SLF1: variants seen among roughly 807,000 people sequenced by gnomAD.
The protein encoded by SLF1 is SMC5/6 complex localization factor 1.
SLF1 carries 105 observed loss-of-function variants against 123.0 expected under a neutral mutation model. The observed-to-expected ratio is 0.85, with a 90% CI of 0.73 to 1.00. The LOEUF is 1.00. Among genes scored for constraint, SLF1 ranks in the 50% least tolerant of loss-of-function variants. SLF1 has a pLI of 0.00. For missense variants in SLF1, 1,239 were observed against 1,223.0 expected, an observed-to-expected ratio of 1.01 and a Z score of -0.20; for synonymous variants, 434 against 406.6, an observed-to-expected ratio of 1.07 and a Z score of -0.81.
chr5:94,630,227 T>C (rs1745054061), intron 3 of SLF1, among the ~76,000 whole-genome samples: 1 of 152,218 alleles, frequency 6.6e-6, no homozygotes, highest in Non-Finnish European at 1.5e-5. Flanking sequence ...AGAATTATAT[T>C]TAAATGAAAC....
At chr5:94,678,785 A>AT (rs1186879963) in intron 14 of SLF1, 23 bp from the exon 15 acceptor site, 1 of 1,584,980 alleles carries the variant, frequency 6.3e-7, no homozygotes, top group Non-Finnish European at 8.6e-7. Context: ...TATTTTAGTA[A>AT]TTTTTTTGTA....
intron 14 of SLF1, among the ~76,000 whole-genome samples, chr5:94,674,807 T>C (rs963950278): frequency 1.3e-5 from 2 of 152,152 alleles, no homozygotes; most frequent in East Asian, 3.9e-4. Flanking sequence ...TGTGTCAAGG[T>C]TATGGAGGAG....
chr5:94,692,040 G>C, intron 19 of SLF1, 34 bp from the exon 20 acceptor site: 1 of 1,603,582 alleles, frequency 6.2e-7, no homozygotes, highest in Non-Finnish European at 8.5e-7. Context: ...TCCTACTTCT[G>C]CTGTTTTAAA....
chr5:94,661,728 G>T (rs1749143854), intron 9 of SLF1, among the ~76,000 whole-genome samples: 1 of 151,930 alleles, frequency 6.6e-6, no homozygotes, highest in Admixed American at 6.6e-5. Flanking sequence ...ATAGAGACGG[G>T]GTTTTGCCAT....
At chr5:94,654,774 A>G (rs528138553) in intron 9 of SLF1, 22 bp downstream of exon 9, 1 of 1,476,078 alleles carries the variant, frequency 6.8e-7, no homozygotes, top group Admixed American at 2.5e-5. Flanking sequence ...CACATGAAAA[A>G]TTTTGTATAA....
At chr5:94,658,424 T>G (rs1401722116) in intron 9 of SLF1, among the ~76,000 whole-genome samples, 1 of 136,678 alleles carries the variant, frequency 7.3e-6, no homozygotes, top group Non-Finnish European at 1.6e-5. Context: ...CCTGTTGAGT[T>G]GGGTTTGTTG....
chr5:94,669,762 G>A (rs968315822), intron 12 of SLF1, among the ~76,000 whole-genome samples: 11 of 151,948 alleles, frequency 7.2e-5, no homozygotes, highest in African/African-American at 2.4e-4. Context: ...AAGTAATCTT[G>A]GGTAAGAAAG....
chr5:94,639,829 C>T (rs1746244959), intron 4 of SLF1, among the ~76,000 whole-genome samples: 1 of 152,132 alleles, frequency 6.6e-6, no homozygotes, highest in Non-Finnish European at 1.5e-5. Context: ...TTTGCTGTCT[C>T]AAGGGTAGCA....
intron 9 of SLF1, among the ~76,000 whole-genome samples, chr5:94,656,364 C>T (rs12655665): frequency 0.22 from 33,767 of 151,534 alleles, 3,881 homozygotes; most frequent in East Asian, 0.34. Flanking sequence ...TGTACTGACT[C>T]TTTGCTATGT....
At chr5:94,621,896 A>C (rs1791824626) in intron 1 of SLF1, among the ~76,000 whole-genome samples, 2 of 151,732 alleles carry the variant, frequency 1.3e-5, no homozygotes, top group Admixed American at 6.6e-5. Flanking sequence ...ACACACACAC[A>C]CACACACACA....
intron 9 of SLF1, among the ~76,000 whole-genome samples, chr5:94,656,225 T>G (rs1482993968): frequency 6.6e-6 from 1 of 151,946 alleles, no homozygotes; most frequent in African/African-American, 2.4e-5. Flanking sequence ...GTCCTTCATT[T>G]TGTTTTTATT....
chr5:94,661,565 A>C (rs2152485223), intron 9 of SLF1, among the ~76,000 whole-genome samples: 2 of 146,240 alleles, frequency 1.4e-5, no homozygotes. Flanking sequence ...GACCGGGTCT[A>C]GCTCTGTTGC....
At chr5:94,658,631 A>G (rs1370188363) in intron 9 of SLF1, among the ~76,000 whole-genome samples, 6 of 152,102 alleles carry the variant, frequency 3.9e-5, no homozygotes, top group Admixed American at 3.3e-4. Flanking sequence ...TTTGACTGTA[A>G]TGTGCCTTGG....
intron 20 of SLF1, 60 bp from the exon 21 acceptor site, chr5:94,694,771 C>A: frequency 6.6e-7 from 1 of 1,507,594 alleles, no homozygotes; most frequent in Non-Finnish European, 8.8e-7. Context: ...GAGAAAAGAG[C>A]TGTTAAGCTG....
intron 11 of SLF1, 90 bp downstream of exon 11, chr5:94,663,998 T>C: frequency 7.7e-7 from 1 of 1,291,366 alleles, no homozygotes; most frequent in Non-Finnish European, 1.0e-6. Flanking sequence ...TACAGTTTAT[T>C]TTCCCTGTTC....
At chr5:94,643,163 T>A (rs1007160734) in intron 4 of SLF1, 110 bp from the exon 5 acceptor site, 1 of 735,252 alleles carries the variant, frequency 1.4e-6, no homozygotes, top group African/African-American at 1.8e-5. Flanking sequence ...AAGAAATTAG[T>A]CCCTATTAGA....
At chr5:94,677,825 C>T (rs1751262107) in intron 14 of SLF1, among the ~76,000 whole-genome samples, 1 of 151,966 alleles carries the variant, frequency 6.6e-6, no homozygotes, top group African/African-American at 2.4e-5. Context: ...CAAACATTAG[C>T]GTAGGGTAAA....
At chr5:94,646,755 G>A (rs185179258) in intron 5 of SLF1, among the ~76,000 whole-genome samples, 6 of 152,308 alleles carry the variant, frequency 3.9e-5, no homozygotes, top group African/African-American at 1.4e-4. Flanking sequence ...CATTTATAAT[G>A]TAGCACTGTG....
chr5:94,693,158 T>C (rs1753219869), intron 20 of SLF1, among the ~76,000 whole-genome samples: 1 of 152,144 alleles, frequency 6.6e-6, no homozygotes, highest in Non-Finnish European at 1.5e-5. Flanking sequence ...TTTTAGTATA[T>C]ATGCATCTAA....
Sources: gnomAD v4.1 joint callset for allele counts (sites outside exome capture counted in the v4.1 genomes callset) on GRCh38, gnomAD v4.1.1 for gene constraint, MANE v1.5 for transcripts, NCBI Gene and HGNC (gene_info 2026-07-23, HGNC 2026-07-21) for gene names.